DPY19L1: variants seen among roughly 807,000 people sequenced by gnomAD.
DPY19L1 encodes dpy-19 like C-mannosyltransferase 1, also known as protein C-mannosyl-transferase DPY19L1.
DPY19L1 carries 35 observed loss-of-function variants against 96.9 expected under a neutral mutation model. The ratio of observed to expected loss-of-function variants is 0.36; its 90% CI spans 0.28 to 0.48. The LOEUF (loss-of-function observed/expected upper bound fraction) is 0.48. Among genes scored for constraint, DPY19L1 ranks in the 20% least tolerant of loss-of-function variants. The probability of loss-of-function intolerance (pLI) is 0.99; values close to 1 mark genes in which losing one functional copy is unlikely to be tolerated. For synonymous variants in DPY19L1, 205 were observed against 252.6 expected, an observed-to-expected ratio of 0.81 and a Z score of 1.79; for missense variants, 521 against 777.9, an observed-to-expected ratio of 0.67 and a Z score of 3.93.
chr7:35,018,946 G>A (rs1354056494), intron 1 of DPY19L1, among the ~76,000 whole-genome samples: 1 of 152,114 alleles, frequency 6.6e-6, no homozygotes, highest in African/African-American at 2.4e-5. Context: ...TGGCTGAGGG[G>A]TACAGGATTG....
chr7:35,022,061 C>T (rs1264921490), intron 1 of DPY19L1, among the ~76,000 whole-genome samples: 1 of 151,788 alleles, frequency 6.6e-6, no homozygotes, highest in African/African-American at 2.4e-5. Flanking sequence ...TCTGAAGGCA[C>T]CCCTAAAGAG....
Position 34,939,342 on chromosome 7 carries a change from G to A in DPY19L1, c.1898C>T (p.Ala633Val), listed in dbSNP as rs1783944679. 6.2e-7 allele frequency: 1 copy of A among 1,613,992 alleles called. No individual in the cohort carries two copies. ...AVFAGAMPTMASVKLSALRPI... is the reference protein window; with the variant it reads ...AVFAGAMPTMVSVKLSALRPI... ...CCGAAGTGCAGAGAGCTTAACACTTGCCATCGTGGGCATGGCACCCGCAAA... is the reference window on the plus strand; with the variant it reads ...CCGAAGTGCAGAGAGCTTAACACTTACCATCGTGGGCATGGCACCCGCAAA... The change falls in exon 20 of 22, where the codon GCA becomes GTA. Residue 633 changes from alanine (A) to valine (V), a missense_variant. Physicochemically the swap from Ala to Val is moderately conservative, Grantham distance 64. Transcript: ENST00000638088.
At chr7:34,934,950 C>T (rs1320211422) in intron 21 of DPY19L1, among the ~76,000 whole-genome samples, 3 of 152,172 alleles carry the variant, frequency 2.0e-5, no homozygotes, top group Non-Finnish European at 4.4e-5. Flanking sequence ...CAATTTTTTT[C>T]TTACCTTCCC....
chr7:34,954,045 AT>A (rs1784323099), intron 13 of DPY19L1, among the ~76,000 whole-genome samples: 3 of 152,198 alleles, frequency 2.0e-5, no homozygotes, highest in African/African-American at 7.2e-5. Flanking sequence ...AAAATAGTTT[AT>A]TTTTTCCATG....
rs201226448 is a variant in DPY19L1 at position 34,969,483 on chromosome 7, C to A, written c.964G>T (p.Val322Leu). The A allele has an allele frequency of 2.8e-5, 44 of 1,576,396 alleles. No individual in the cohort carries two copies. In the African/African-American group the frequency reaches 4.4e-4, roughly 16 times the overall value. ...AACTGCCAAGGAAGCATGAAAAATACATTGGAAATGCAGAGTGCAATCAAG... is the reference window on the plus strand; with the variant it reads ...AACTGCCAAGGAAGCATGAAAAATAAATTGGAAATGCAGAGTGCAATCAAG... ...GSLIALCISN[V>L]FFMLPWQFAQ... Residue 322 changes from valine (V) to leucine (L), a missense_variant, in exon 9 of 22, where the codon GTA becomes TTA. Coordinates refer to ENST00000638088, the MANE Select transcript of DPY19L1 (RefSeq NM_001366673.1).
intron 7 of DPY19L1, among the ~76,000 whole-genome samples, chr7:34,985,836 A>G (rs1460889765): frequency 6.6e-6 from 1 of 152,108 alleles, no homozygotes; most frequent in Non-Finnish European, 1.5e-5. Context: ...TGAAATCAGT[A>G]CATCAGAGAT....
rs183713764 is a variant in DPY19L1, at chr7:34,989,341, G to A, written c.822+543C>T. Among the ~76,000 whole-genome samples the A allele has an allele frequency of 7.2e-5, 11 of 152,194 alleles. No individual in the cohort carries two copies. The East Asian group carries it at 1.4e-3, about 19-fold the overall frequency. Reference sequence around the variant, plus strand: ...AAACAATTGATACTTGAGGGCAGGCGTGGTGGCTTATACCTGTAATCCCAA... The same window carrying A: ...AAACAATTGATACTTGAGGGCAGGCATGGTGGCTTATACCTGTAATCCCAA... On this transcript the variant is annotated intron_variant, in intron 7 of 21. Transcript: ENST00000638088.
chr7:35,032,858 A>G (rs1366556759), intron 1 of DPY19L1, among the ~76,000 whole-genome samples: 2 of 151,750 alleles, frequency 1.3e-5, no homozygotes, highest in Admixed American at 1.3e-4. Flanking sequence ...TATCATTTTC[A>G]CCTCCAAAAT....
At chr7:35,011,576 T>G in intron 4 of DPY19L1, 126 bp from the exon 5 acceptor site, 2 of 883,518 alleles carry the variant, frequency 2.3e-6, no homozygotes, top group Non-Finnish European at 3.4e-6. Flanking sequence ...TGGCTCCCTT[T>G]AAATGTAGTA....
At chr7:34,972,187 T>C (rs1784737693) in intron 8 of DPY19L1, among the ~76,000 whole-genome samples, 1 of 152,138 alleles carries the variant, frequency 6.6e-6, no homozygotes. Context: ...CCAAGAAAAT[T>C]GATTCTCTCC....
At chr7:34,994,073 A>T (rs747177606) in intron 6 of DPY19L1, among the ~76,000 whole-genome samples, 24 of 152,152 alleles carry the variant, frequency 1.6e-4, no homozygotes, top group African/African-American at 4.1e-4. Flanking sequence ...AAAAATAAAA[A>T]TTTTTTTGGA....
chr7:34,985,567 A>G (rs1306488057), intron 7 of DPY19L1, among the ~76,000 whole-genome samples: 3 of 135,856 alleles, frequency 2.2e-5, no homozygotes, highest in Admixed American at 7.1e-5. Context: ...AGATATATGA[A>G]AAAAAAAAAT....
At chr7:34,985,342 A>G (rs1785024724) in intron 7 of DPY19L1, among the ~76,000 whole-genome samples, 1 of 152,160 alleles carries the variant, frequency 6.6e-6, no homozygotes, top group South Asian at 2.1e-4. Context: ...GCGTCAAACT[A>G]AAATGCTTCT....
In DPY19L1 at chr7:34,966,900, T is replaced by C. The variant is rs1784621995; in HGVS notation, c.1086A>G (p.Ile362Met). 5 of 1,532,786 alleles carry C rather than the reference T, an allele frequency of 3.3e-6. No individual in the cohort carries two copies. The South Asian group carries it at 3.7e-5, about 11-fold the overall frequency. 94.9% of individuals were successfully genotyped at this position (1,532,786 alleles called of 1,614,324 possible). A position where few individuals can be genotyped will look rare whatever the true frequency, so the allele number is the denominator to read the frequency against. ...DICKLRKIIYIHMISLALCFV... is the reference protein window; with the variant it reads ...DICKLRKIIYMHMISLALCFV... ...AACAATAAAAAATTATTACCATGTG[T>C]ATATAAATGATCTTCCGTAATTTAC... The change falls in exon 10 of 22, where the codon ATA becomes ATG. Residue 362 changes from isoleucine to methionine, a missense_variant. Coordinates refer to ENST00000638088, the MANE Select transcript of DPY19L1 (RefSeq NM_001366673.1).
At position 35,021,956 on chromosome 7, in the gene DPY19L1, C is replaced by T. The variant is rs329247; in HGVS notation, c.299-3360G>A. On this transcript the variant is annotated intron_variant, in intron 1 of 21. Coordinates refer to ENST00000638088, the MANE Select transcript of DPY19L1 (RefSeq NM_001366673.1). The stretch of plus-strand genomic sequence containing the variant: ...TACTTAAAAATTGAAATACATTACA[C>T]ATATGTATGTCACTTGAACATGAAA... Among the ~76,000 whole-genome samples, 884 of 152,206 alleles carry T rather than the reference C, an allele frequency of 5.8e-3. 5 individuals are homozygous for T. The highest frequency in any genetic ancestry group is 0.02 in the African/African-American group (830 of 41,524).
At chr7:35,014,305 G>T (rs1378903056) in intron 3 of DPY19L1, among the ~76,000 whole-genome samples, 2 of 152,162 alleles carry the variant, frequency 1.3e-5, no homozygotes, top group African/African-American at 4.8e-5. Context: ...CTGGGGATAA[G>T]GGTGGGGAGT....
chr7:34,940,275 A>G lies in DPY19L1; in HGVS notation c.1742T>C (p.Ile581Thr), dbSNP rs748650800. ...ACCTTGTATTGACATTGCTGCTAAT[A>G]TAGCAAACACAATAGCACCAGGATG... ...KVHPGAIVFAILAAMSIQGSA... is the reference protein window; with the variant it reads ...KVHPGAIVFATLAAMSIQGSA... Residue 581 changes from isoleucine to threonine, a missense_variant, in exon 19 of 22, where the codon ATA becomes ACA. By Grantham distance (89) the Ile-to-Thr change is moderately conservative. Transcript: ENST00000638088. 6.2e-7 allele frequency: 1 copy of G among 1,612,200 alleles called. No homozygotes were observed. Among genetic ancestry groups the G allele is most frequent in the Admixed American group, 1.7e-5 (1 of 59,968 alleles).
upstream of DPY19L1, chr7:35,037,830 C>A (rs1202687388): frequency 1.3e-5 from 16 of 1,230,338 alleles, no homozygotes; most frequent in Non-Finnish European, 1.6e-5. Flanking sequence ...CTTCGGCGCC[C>A]GCGCGGGGCT....
At chr7:34,997,075 G>T (rs1276788818) in intron 6 of DPY19L1, among the ~76,000 whole-genome samples, 1 of 152,156 alleles carries the variant, frequency 6.6e-6, no homozygotes, top group Non-Finnish European at 1.5e-5. Context: ...TCTCTTAGAG[G>T]TCAGGCTGGG....
Sources: allele counts gnomAD v4.1 joint callset (sites outside exome capture counted in the v4.1 genomes callset), GRCh38; gene constraint gnomAD v4.1.1; transcripts MANE v1.5; gene names NCBI Gene and HGNC (gene_info 2026-07-23, HGNC 2026-07-21).